The following SHROOM4 variants were observed in gnomAD, a reference collection of about 807,000 sequenced individuals.
SHROOM4 encodes the protein shroom family member 4, also known as protein Shroom4.
In SHROOM4, 17 loss-of-function variants were observed where a neutral mutation model predicts 80.3. The observed-to-expected ratio is 0.21, with a 90% confidence interval of 0.14 to 0.32. The LOEUF is 0.32. Ranked by LOEUF, SHROOM4 falls within the 10% of genes least tolerant of loss-of-function variation. The pLI is 1.00. For missense variants in SHROOM4, 993 were observed against 1,140.3 expected, an observed-to-expected ratio of 0.87 and a Z score of 1.86; for synonymous variants, 400 against 437.5, an observed-to-expected ratio of 0.91 and a Z score of 1.07.
intron 1 of SHROOM4, among the ~76,000 whole-genome samples, chrX:50,763,344 G>A (rs1301943250): frequency 2.7e-5 from 3 of 111,255 alleles, no homozygotes; most frequent in African/African-American, 9.8e-5. Context: ...ATTTTGAAGT[G>A]TTTGTGTCTG....
intron 1 of SHROOM4, among the ~76,000 whole-genome samples, chrX:50,754,471 T>C (rs181351803): frequency 1.9e-4 from 21 of 112,101 alleles, no homozygotes; most frequent in African/African-American, 6.1e-4. Flanking sequence ...CAATCATTTA[T>C]ATTCGGAACT....
chrX:50,717,501 G>A (rs1933994757), intron 1 of SHROOM4, among the ~76,000 whole-genome samples: 1 of 112,439 alleles, frequency 8.9e-6, no homozygotes, highest in African/African-American at 3.2e-5. Flanking sequence ...GATTACAGGG[G>A]TGAACCACCA....
chrX:50,597,110 A>G lies in SHROOM4; in HGVS notation c.4213-146T>C, dbSNP rs1557246836. 1.0e-5 allele frequency: 7 copies of G among 688,208 alleles called. No homozygotes were observed. In the South Asian group the frequency reaches 1.6e-4, roughly 16 times the overall value. 56.7% of individuals were successfully genotyped at this position (688,208 alleles called of 1,213,427 possible). On this transcript the variant is annotated intron_variant, in intron 8 of 8. Transcript: ENST00000376020. ...GTCAGTCCTAGATTTTCTGCCCTGA[A>G]GTCTACCTCCATGCAAAAGCCTTTG...
intron 1 of SHROOM4, among the ~76,000 whole-genome samples, chrX:50,713,405 G>T (rs782211569): frequency 2.7e-5 from 3 of 110,960 alleles, no homozygotes; most frequent in African/African-American, 9.8e-5. Context: ...CCTAGGTGGG[G>T]GGATTGCTTG....
chrX:50,592,346 G>A lies in SHROOM4; in HGVS notation c.*4349C>T. ...CCTAATAACTTCTTGGATTGTTAGT[G>A]GCTTTTATTTATTATTTTCAAGTTA... On this transcript the variant is annotated 3_prime_UTR_variant, in exon 9 of 9. Transcript: ENST00000376020. 1 of 259,555 alleles carries A rather than the reference G, an allele frequency of 3.9e-6. No individual in the cohort carries two copies. The highest frequency in any genetic ancestry group is 7.2e-6 in the Non-Finnish European group (1 of 138,504). 21.4% of individuals were successfully genotyped at this position (259,555 alleles called of 1,213,427 possible).
chrX:50,732,557 A>G, intron 1 of SHROOM4, among the ~76,000 whole-genome samples: 1 of 112,429 alleles, frequency 8.9e-6, no homozygotes, highest in Non-Finnish European at 1.9e-5. Flanking sequence ...CCAGAAAAAA[A>G]GCAAGACTCA....
chrX:50,789,776 A>T lies in SHROOM4; in HGVS notation c.117+24126T>A, dbSNP rs934574439. Among the ~76,000 whole-genome samples the T allele has an allele frequency of 5.3e-5, 6 of 112,484 alleles. 1 individual carries two copies. Among genetic ancestry groups the T allele is most frequent in the Admixed American group, 3.8e-4 (4 of 10,660 alleles). ...GGCCAAGGAAAAAGAGAAAGATACA[A>T]ATAAATTAAATCATCAATGAAAGAG... On this transcript the variant is annotated intron_variant, in intron 1 of 8. Transcript: ENST00000376020.
intron 1 of SHROOM4, among the ~76,000 whole-genome samples, chrX:50,805,274 C>T (rs1465661547): frequency 9.0e-6 from 1 of 111,110 alleles, no homozygotes; most frequent in Non-Finnish European, 1.9e-5. Context: ...ACCCCCTCCC[C>T]GAAACGAAAA....
At position 50,813,194 on chromosome X, in the gene SHROOM4, A is replaced by G. The variant is rs782175761; in HGVS notation, c.117+708T>C. On this transcript the variant is annotated intron_variant, in intron 1 of 8. Transcript: ENST00000376020. ...CGGCGGCGGCGGCGGCGGCAGCGGC[A>G]GCAGCAACAGCAGTAGCTCCAGCAC... Among the ~76,000 whole-genome samples, 995 of 108,301 alleles carry G rather than the reference A, an allele frequency of 9.2e-3. 10 individuals carry two copies. Among genetic ancestry groups the G allele is most frequent in the Middle Eastern group, 0.019 (4 of 207 alleles). 94.0% of individuals were successfully genotyped at this position (108,301 alleles called of 115,157 possible). A position where few individuals can be genotyped will look rare whatever the true frequency, so the allele number is the denominator to read the frequency against.
intron 6 of SHROOM4, among the ~76,000 whole-genome samples, chrX:50,606,598 A>G (rs1448178928): frequency 9.2e-6 from 1 of 108,680 alleles, no homozygotes; most frequent in African/African-American, 3.4e-5. Flanking sequence ...ATTAAAAAAA[A>G]AAACCCAACC....
chrX:50,813,251 A>G (rs186418946), intron 1 of SHROOM4, among the ~76,000 whole-genome samples: 1,901 of 110,733 alleles, frequency 0.017, 23 homozygotes, highest in Middle Eastern at 0.056. Context: ...TTTCCTCCAC[A>G]CTTCTCAACG....
chrX:50,694,542 GAT>G (rs1933314165), intron 2 of SHROOM4, among the ~76,000 whole-genome samples: 1 of 6,955 alleles, frequency 1.4e-4, no homozygotes, highest in African/African-American at 2.0e-4. Flanking sequence ...TTTTAAGTTG[GAT>G]TTTTTTTTTT....
chrX:50,675,840 C>T (rs1557261230), intron 2 of SHROOM4, among the ~76,000 whole-genome samples: 1 of 111,377 alleles, frequency 9.0e-6, no homozygotes, highest in East Asian at 2.8e-4. Flanking sequence ...TTTAGATTCC[C>T]CTCAATGCAT....
intron 2 of SHROOM4, among the ~76,000 whole-genome samples, chrX:50,674,790 CATGTTGTGG>C (rs1557261140): frequency 9.0e-6 from 1 of 111,716 alleles, no homozygotes; most frequent in African/African-American, 3.2e-5. Flanking sequence ...CATAGACTAT[CATGTTGTGG>C]ATACTGAGAC....
At chrX:50,813,092 A>G (rs1557273596) in intron 1 of SHROOM4, among the ~76,000 whole-genome samples, 1 of 110,275 alleles carries the variant, frequency 9.1e-6, no homozygotes, top group Non-Finnish European at 1.9e-5. Context: ...CTCAGCTGCA[A>G]CTTGGCTTCC....
At chrX:50,640,184 G>A (rs1557256904) in intron 2 of SHROOM4, among the ~76,000 whole-genome samples, 1 of 111,685 alleles carries the variant, frequency 9.0e-6, no homozygotes. Context: ...TATCTACTAT[G>A]ACCTATGCTT....
chrX:50,772,846 A>G (rs781845694), intron 1 of SHROOM4, among the ~76,000 whole-genome samples: 10 of 111,993 alleles, frequency 8.9e-5, no homozygotes, highest in Non-Finnish European at 1.5e-4. Flanking sequence ...AAAGATGAAT[A>G]AGGCAGACTC....
intron 5 of SHROOM4, among the ~76,000 whole-genome samples, chrX:50,620,882 T>A (rs1194290472): frequency 1.2e-4 from 13 of 111,486 alleles, no homozygotes; most frequent in African/African-American, 1.6e-4. Context: ...CTACCCATTT[T>A]TATATATATA....
At position 50,661,856 on chromosome X, in the gene SHROOM4, C is replaced by T. The variant is rs982492469; in HGVS notation, c.270-23548G>A. Among the ~76,000 whole-genome samples, 20 of 111,432 alleles carry T rather than the reference C, an allele frequency of 1.8e-4. 1 individual carries two copies. Among genetic ancestry groups the T allele is most frequent in the Non-Finnish European group, 2.3e-4 (12 of 53,147 alleles). Reference sequence around the variant, plus strand: ...TGAAAATGATAATCTGGAATCTGGGCATGTGTTCTTCCCTAGATATAGAAA... The same window carrying T: ...TGAAAATGATAATCTGGAATCTGGGTATGTGTTCTTCCCTAGATATAGAAA... On this transcript the variant is annotated intron_variant, in intron 2 of 8. Transcript: ENST00000376020.
Sources: gnomAD v4.1 joint callset for allele counts (sites outside exome capture counted in the v4.1 genomes callset) on GRCh38, gnomAD v4.1.1 for gene constraint, MANE v1.5 for transcripts, NCBI Gene and HGNC (gene_info 2026-07-23, HGNC 2026-07-21) for gene names.